Variants in MAGI2 observed in about 807,000 individuals in gnomAD.
MAGI2 encodes membrane associated guanylate kinase, WW and PDZ domain containing 2, also known as membrane-associated guanylate kinase, WW and PDZ domain-containing protein 2.
MAGI2 carries 35 observed loss-of-function variants against 133.3 expected under a neutral mutation model. That is an observed-to-expected ratio of 0.26 (90% confidence interval 0.20 to 0.35). The LOEUF is 0.35. MAGI2 is among the 10% of genes least tolerant of loss of function. MAGI2 has a pLI of 1.00. For missense variants in MAGI2, 1,636 were observed against 1,863.4 expected (o/e 0.88, Z 2.25); for synonymous variants, 729 against 710.6 (o/e 1.03, Z -0.41).
chr7:78,484,665 G>A (rs1438650258), intron 6 of MAGI2: 4 of 135,596 alleles, frequency 2.9e-5, no homozygotes, highest in African/African-American at 1.2e-4. Context: ...AAGTTGTTAA[G>A]GTAGGATAAC....
At chr7:78,772,912 G>A (rs1825705162) in intron 2 of MAGI2, among the ~76,000 whole-genome samples, 1 of 152,138 alleles carries the variant, frequency 6.6e-6, no homozygotes, top group African/African-American at 2.4e-5. Context: ...CAAATCTGCT[G>A]TTCTTTCACC....
intron 1 of MAGI2, among the ~76,000 whole-genome samples, chr7:79,180,569 C>A (rs1476783607): frequency 6.6e-6 from 1 of 151,968 alleles, no homozygotes; most frequent in Non-Finnish European, 1.5e-5. Context: ...GGTTCCATCC[C>A]ACAACATGTG....
In MAGI2 at chr7:78,043,939, CAATT is replaced by C. The variant is rs1212313753; in HGVS notation, c.3707-23967_3707-23964del. Among the ~76,000 whole-genome samples the C allele has an allele frequency of 2.0e-5, 3 of 152,244 alleles. No individual in the cohort carries two copies. In the East Asian group the frequency reaches 5.8e-4, roughly 29 times the overall value. ...AAGCAAATGCAAAAAAGAATAGTGA[CAATT>C]AATGGATTGGGCCAGTTACTAGAGT... On this transcript the variant is annotated intron_variant, in intron 21 of 21. Transcript: ENST00000354212.
Position 79,074,149 on chromosome 7 carries a change from G to A in MAGI2, c.302-66943C>T, listed in dbSNP as rs543817279. Among the ~76,000 whole-genome samples the A allele has an allele frequency of 9.0e-4, 137 of 152,170 alleles. 2 individuals carry two copies. Among genetic ancestry groups the A allele is most frequent in the African/African-American group, 3.1e-3 (130 of 41,526 alleles). On this transcript the variant is annotated intron_variant, in intron 1 of 21. Transcript: ENST00000354212. ...CACTTGTTTGTCATTTTACCTTGTTGCCACCTTATCATACACTGAACGTTC... is the reference window on the plus strand; with the variant it reads ...CACTTGTTTGTCATTTTACCTTGTTACCACCTTATCATACACTGAACGTTC...
At chr7:78,225,436 G>T (rs183933057) in intron 10 of MAGI2, among the ~76,000 whole-genome samples, 13 of 152,080 alleles carry the variant, frequency 8.5e-5, no homozygotes, top group Middle Eastern at 6.8e-3. Flanking sequence ...TGCAGCCTTG[G>T]CCTCCTGGTC....
chr7:79,252,773 A>C (rs1833406248), intron 1 of MAGI2, among the ~76,000 whole-genome samples: 2 of 152,148 alleles, frequency 1.3e-5, no homozygotes, highest in African/African-American at 4.8e-5. Flanking sequence ...AAAAAATATT[A>C]TTTTATGACT....
chr7:79,411,361 G>T (rs1030419303), intron 1 of MAGI2: 7 of 152,134 alleles, frequency 4.6e-5, no homozygotes, highest in African/African-American at 1.7e-4. Flanking sequence ...AATCACAAGG[G>T]TCTTTGAAAA....
chr7:79,081,716 C>T lies in MAGI2; in HGVS notation c.302-74510G>A, dbSNP rs1816051471. On this transcript the variant is annotated intron_variant, in intron 1 of 21. Transcript: ENST00000354212. Reference sequence around the variant, plus strand: ...AGGGTGCTGTTTCTTCCTCTCCTGTCCCCAGTATCAAGAGGGGATAATATT... The same window carrying T: ...AGGGTGCTGTTTCTTCCTCTCCTGTTCCCAGTATCAAGAGGGGATAATATT... Among the ~76,000 whole-genome samples, 2 of 152,040 alleles carry T rather than the reference C, an allele frequency of 1.3e-5. 1 individual carries two copies. The highest frequency in any genetic ancestry group is 4.1e-4 in the South Asian group (2 of 4,832).
At chr7:79,008,305 C>G (rs998918954) in intron 1 of MAGI2, among the ~76,000 whole-genome samples, 2 of 152,152 alleles carry the variant, frequency 1.3e-5, no homozygotes, top group African/African-American at 4.8e-5. Context: ...ATCACACAAA[C>G]TAGCATTATG....
chr7:78,388,874 T>C (rs910370252), intron 6 of MAGI2, among the ~76,000 whole-genome samples: 2 of 152,200 alleles, frequency 1.3e-5, no homozygotes, highest in African/African-American at 4.8e-5. Context: ...ACTACAAATA[T>C]AGTCCGTGAA....
intron 2 of MAGI2, among the ~76,000 whole-genome samples, chr7:78,820,267 T>C (rs1368955579): frequency 6.6e-6 from 1 of 151,972 alleles, no homozygotes; most frequent in African/African-American, 2.4e-5. Context: ...ACTGAACTTT[T>C]AGGTGGCAGA....
intron 2 of MAGI2, among the ~76,000 whole-genome samples, chr7:78,678,246 C>T (rs899184753): frequency 6.6e-6 from 1 of 151,864 alleles, no homozygotes; most frequent in African/African-American, 2.4e-5. Context: ...TAGCCTACTA[C>T]TCTGTCCCTC....
chr7:78,052,720 G>A (rs1185980321), intron 21 of MAGI2, among the ~76,000 whole-genome samples: 3 of 152,176 alleles, frequency 2.0e-5, no homozygotes, highest in African/African-American at 7.2e-5. Context: ...TCCCAAAGCT[G>A]GTTATATATG....
rs78351251 is a variant in MAGI2 at position 78,885,132 on chromosome 7, C to A, written c.418+121958G>T. Among the ~76,000 whole-genome samples, 1,097 of 152,170 alleles carry A rather than the reference C, an allele frequency of 7.2e-3. 11 individuals carry two copies. Among genetic ancestry groups the A allele is most frequent in the African/African-American group, 0.025 (1,048 of 41,534 alleles). ...GTACATATGGATATAAAGATAGGAACAACACACACTGGGGACTACTAGAGA... is the reference window on the plus strand; with the variant it reads ...GTACATATGGATATAAAGATAGGAAAAACACACACTGGGGACTACTAGAGA... On this transcript the variant is annotated intron_variant, in intron 2 of 21. Transcript: ENST00000354212.
intron 10 of MAGI2, among the ~76,000 whole-genome samples, chr7:78,233,507 C>T (rs553114578): frequency 6.6e-6 from 1 of 152,228 alleles, no homozygotes; most frequent in East Asian, 1.9e-4. Context: ...TAAGTAAAGG[C>T]TATTCCTACA....
chr7:78,969,228 T>A (rs1488643538), intron 2 of MAGI2, among the ~76,000 whole-genome samples: 1 of 152,032 alleles, frequency 6.6e-6, no homozygotes, highest in Non-Finnish European at 1.5e-5. Context: ...GGGCCAGTCT[T>A]TTCTCGAGCT....
intron 2 of MAGI2, chr7:79,006,707 T>A (rs1365721086): frequency 6.3e-6 from 1 of 157,490 alleles, no homozygotes; most frequent in African/African-American, 2.4e-5. Flanking sequence ...GTGAAGATTC[T>A]ACTCACAGAA....
At chr7:78,165,504 A>G (rs1336962005) in intron 15 of MAGI2, among the ~76,000 whole-genome samples, 1 of 152,062 alleles carries the variant, frequency 6.6e-6, no homozygotes, top group Non-Finnish European at 1.5e-5. Context: ...CTGTCTTCTG[A>G]GGTGGGGCGG....
chr7:78,210,384 G>C (rs79283069), intron 10 of MAGI2, among the ~76,000 whole-genome samples: 184 of 152,258 alleles, frequency 1.2e-3, no homozygotes, highest in African/African-American at 4.2e-3. Flanking sequence ...TGGGGATGGA[G>C]AAGTACTATA....
Sources: gnomAD v4.1 joint callset for allele counts (sites outside exome capture counted in the v4.1 genomes callset) on GRCh38, gnomAD v4.1.1 for gene constraint, MANE v1.5 for transcripts, NCBI Gene and HGNC (gene_info 2026-07-23, HGNC 2026-07-21) for gene names.